PCDH15: variants seen among roughly 807,000 people sequenced by gnomAD.
PCDH15 encodes protocadherin-15.
Under a neutral mutation model 178.5 loss-of-function variants are expected in PCDH15, and 129 were observed. The observed-to-expected ratio is 0.72, with a 90% CI of 0.63 to 0.84. The LOEUF (loss-of-function observed/expected upper bound fraction) is 0.84, where lower values mean the gene tolerates loss of function less well. PCDH15 is among the 40% of genes least tolerant of loss of function. The pLI, the probability that PCDH15 is intolerant of heterozygous loss-of-function variation, is 0.00. For synonymous variants in PCDH15, 800 were observed against 732.0 expected (o/e 1.09, Z -1.50); for missense variants, 2,230 against 2,099.9 (o/e 1.06, Z -1.21).
chr10:54,416,500 C>A (rs1954422200), intron 3 of PCDH15, among the ~76,000 whole-genome samples: 1 of 152,024 alleles, frequency 6.6e-6, no homozygotes, highest in East Asian at 1.9e-4. Flanking sequence ...GTATATGTAC[C>A]ACATTTTCAT....
chr10:54,550,450 G>A (rs1055610493), intron 2 of PCDH15, among the ~76,000 whole-genome samples: 11 of 151,504 alleles, frequency 7.3e-5, no homozygotes, highest in African/African-American at 2.4e-4. Context: ...GAGCCAGTGA[G>A]TTCTCTTATT....
chr10:54,972,848 CAAAAAAAAAAAAAAAAAA>C (rs750356955), intron 2 of PCDH15, among the ~76,000 whole-genome samples: 1 of 53,512 alleles, frequency 1.9e-5, no homozygotes, highest in Non-Finnish European at 3.3e-5. Flanking sequence ...GACTCCATCT[CAAAAAAAAAAAAAAAAAA>C]AAAAGAATAC....
At position 54,100,062 on chromosome 10, in the gene PCDH15, T is replaced by C. The variant is rs149311526; in HGVS notation, c.1918-9999A>G. On this transcript the variant is annotated intron_variant, in intron 15 of 37. Transcript: ENST00000644397. ...ATATTTAATACACTTCAGAATTCCA[T>C]TCAAATAGAAGGTATTGCTCAGTGG... Among the ~76,000 whole-genome samples the C allele has an allele frequency of 8.1e-3, 1,232 of 152,252 alleles. 10 individuals are homozygous for C. Among genetic ancestry groups the C allele is most frequent in the Middle Eastern group, 0.027 (8 of 294 alleles).
intron 1 of PCDH15, among the ~76,000 whole-genome samples, chr10:55,193,886 A>G (rs1313642735): frequency 5.3e-5 from 8 of 151,934 alleles, no homozygotes; most frequent in Non-Finnish European, 1.0e-4. Context: ...ACAATTAGGT[A>G]AACTATGGGT....
At chr10:54,949,166 T>A (rs1838269276) in intron 2 of PCDH15, among the ~76,000 whole-genome samples, 1 of 152,072 alleles carries the variant, frequency 6.6e-6, no homozygotes, top group African/African-American at 2.4e-5. Flanking sequence ...ATTTTCACAC[T>A]GCTATAAAGA....
intron 2 of PCDH15, among the ~76,000 whole-genome samples, chr10:55,062,099 C>T (rs1390861625): frequency 6.6e-6 from 1 of 152,148 alleles, no homozygotes; most frequent in Non-Finnish European, 1.5e-5. Context: ...TCTTTCTTCT[C>T]CAAAATGTCA....
intron 2 of PCDH15, among the ~76,000 whole-genome samples, chr10:55,098,911 A>AGAGAGAGAGAGAGAGAGAGAGAGT (rs1564796841): frequency 1.4e-5 from 2 of 141,400 alleles, no homozygotes; most frequent in African/African-American, 2.6e-5. Flanking sequence ...AGAGAGAGAG[A>AGAGAGAGAGAGAGAGAGAGAGAGT]GAGAGAGAGA....
chr10:54,816,746 T>G (rs965121347), intron 3 of PCDH15, among the ~76,000 whole-genome samples: 6 of 152,064 alleles, frequency 3.9e-5, no homozygotes, highest in African/African-American at 1.4e-4. Flanking sequence ...AAAAATAAAT[T>G]GAATTATAAA....
chr10:54,537,913 T>C (rs548745795), intron 2 of PCDH15, among the ~76,000 whole-genome samples: 1 of 152,302 alleles, frequency 6.6e-6, no homozygotes, highest in South Asian at 2.1e-4. Flanking sequence ...TGTATGTCTG[T>C]TTTTGAGAGA....
intron 5 of PCDH15, among the ~76,000 whole-genome samples, chr10:54,368,153 A>T (rs182768351): frequency 3.9e-5 from 6 of 152,158 alleles, no homozygotes; most frequent in Admixed American, 2.6e-4. Context: ...GTCTCAGATT[A>T]CAAGGAACAT....
intron 2 of PCDH15, among the ~76,000 whole-genome samples, chr10:55,096,625 C>T (rs1842455492): frequency 6.6e-6 from 1 of 152,004 alleles, no homozygotes; most frequent in East Asian, 1.9e-4. Flanking sequence ...GTCCTTTGAT[C>T]AACATCTCCC....
chr10:55,516,997 G>A (rs11004897), intron 2 of PCDH15, among the ~76,000 whole-genome samples: 1 of 151,560 alleles, frequency 6.6e-6, no homozygotes, highest in South Asian at 2.1e-4. Context: ...GTACAGAACA[G>A]AAAAACAAAT....
intron 2 of PCDH15, among the ~76,000 whole-genome samples, chr10:55,121,176 A>G (rs924968174): frequency 6.6e-6 from 1 of 152,192 alleles, no homozygotes; most frequent in Admixed American, 6.5e-5. Flanking sequence ...GTTCAGAGGC[A>G]GGAGTACATG....
intron 5 of PCDH15, among the ~76,000 whole-genome samples, chr10:54,350,388 A>G (rs2134241157): frequency 6.6e-6 from 1 of 152,286 alleles, no homozygotes; most frequent in South Asian, 2.1e-4. Context: ...GTGTATTTCT[A>G]CTACTAGATT....
intron 2 of PCDH15, among the ~76,000 whole-genome samples, chr10:54,578,103 C>T (rs949603447): frequency 1.3e-5 from 2 of 151,990 alleles, no homozygotes; most frequent in African/African-American, 2.4e-5. Flanking sequence ...ATAAAATTAT[C>T]TATGTAGTGT....
chr10:54,637,141 A>T (rs1368240053), intron 2 of PCDH15, among the ~76,000 whole-genome samples: 1 of 151,222 alleles, frequency 6.6e-6, no homozygotes, highest in Non-Finnish European at 1.5e-5. Context: ...AAAAAAAAAA[A>T]CAATTCAGGG....
chr10:53,996,107 C>A (rs978645962), intron 20 of PCDH15, among the ~76,000 whole-genome samples: 1 of 152,050 alleles, frequency 6.6e-6, no homozygotes, highest in African/African-American at 2.4e-5. Flanking sequence ...GAACAAGTTT[C>A]TTTAAAAGCT....
In PCDH15 at chr10:54,977,437, AAG is replaced by A. The variant is rs375523961; in HGVS notation, c.-79-79939_-79-79938del. ...TAATTATAGTACATTAGTACACTAA[AAG>A]ACACTCCTATCAGTGCCATGAAAGT... On this transcript the variant is annotated intron_variant, in intron 2 of 5. Transcript: ENST00000458638. Among the ~76,000 whole-genome samples, 213 of 152,264 alleles carry A rather than the reference AAG, an allele frequency of 1.4e-3. 1 individual carries two copies. The highest frequency in any genetic ancestry group is 4.9e-3 in the African/African-American group (204 of 41,568).
At chr10:55,037,533 A>C (rs923024463) in intron 2 of PCDH15, among the ~76,000 whole-genome samples, 1 of 152,182 alleles carries the variant, frequency 6.6e-6, no homozygotes, top group Non-Finnish European at 1.5e-5. Flanking sequence ...CACCCGGCCA[A>C]TGACATCTTA....
Sources: allele counts gnomAD v4.1 joint callset (sites outside exome capture counted in the v4.1 genomes callset), GRCh38; gene constraint gnomAD v4.1.1; transcripts MANE v1.5; gene names NCBI Gene and HGNC (gene_info 2026-07-23, HGNC 2026-07-21).